SNTG1: variants seen among roughly 807,000 people sequenced by gnomAD.
The protein encoded by SNTG1 is syntrophin gamma 1, also known as gamma-1-syntrophin.
SNTG1 carries 39 observed loss-of-function variants against 74.7 expected under a neutral mutation model. The observed-to-expected ratio is 0.52, with a 90% CI of 0.40 to 0.68. The LOEUF is 0.68. SNTG1 is among the 30% of genes least tolerant of loss of function. SNTG1 has a pLI of 0.00. For missense variants in SNTG1, 685 were observed against 609.5 expected, an observed-to-expected ratio of 1.12 and a Z score of -1.30; for synonymous variants, 254 against 217.1, an observed-to-expected ratio of 1.17 and a Z score of -1.49.
chr8:50,570,276 A>ATTTTATTTTT (rs796738437), intron 12 of SNTG1, among the ~76,000 whole-genome samples: 1 of 40,038 alleles, frequency 2.5e-5, no homozygotes, highest in Non-Finnish European at 9.1e-5. Context: ...ATTTTATTTT[A>ATTTTATTTTT]TAGATGGAGT....
At chr8:49,916,119 T>C (rs1806004716) in intron 1 of SNTG1, among the ~76,000 whole-genome samples, 1 of 152,254 alleles carries the variant, frequency 6.6e-6, no homozygotes, top group Non-Finnish European at 1.5e-5. Flanking sequence ...GGTTAAATTA[T>C]ATAATTGCAC....
At chr8:50,021,410 C>T (rs1371493436) in intron 1 of SNTG1, among the ~76,000 whole-genome samples, 1 of 152,084 alleles carries the variant, frequency 6.6e-6, no homozygotes, top group East Asian at 1.9e-4. Flanking sequence ...CCCACTAATA[C>T]CATATATATG....
chr8:50,074,859 G>A (rs1291007812), intron 1 of SNTG1, among the ~76,000 whole-genome samples: 1 of 152,140 alleles, frequency 6.6e-6, no homozygotes, highest in East Asian at 1.9e-4. Context: ...GAGTGGGGAA[G>A]GACAGGTACC....
chr8:50,475,950 A>G (rs1014690614), intron 8 of SNTG1, among the ~76,000 whole-genome samples: 1 of 152,160 alleles, frequency 6.6e-6, no homozygotes, highest in Admixed American at 6.5e-5. Flanking sequence ...GAAATAAACA[A>G]GTCATACGTT....
intron 15 of SNTG1, among the ~76,000 whole-genome samples, chr8:50,700,614 C>T (rs1213091365): frequency 1.3e-5 from 2 of 152,120 alleles, no homozygotes; most frequent in Non-Finnish European, 2.9e-5. Flanking sequence ...AGGCTTGCAC[C>T]AGGTTGCTCT....
chr8:49,954,823 C>T (rs1810018189), intron 1 of SNTG1, among the ~76,000 whole-genome samples: 1 of 151,990 alleles, frequency 6.6e-6, no homozygotes, highest in African/African-American at 2.4e-5. Context: ...TATTGTATTA[C>T]TCCAAAGAAG....
chr8:50,191,698 G>C (rs900737386), intron 2 of SNTG1, among the ~76,000 whole-genome samples: 9 of 152,034 alleles, frequency 5.9e-5, no homozygotes, highest in African/African-American at 2.2e-4. Context: ...GCATGCAGTA[G>C]GTATTTGTGC....
In SNTG1 at chr8:50,067,699, T is replaced by A. The variant is rs184341440; in HGVS notation, c.-102-104862T>A. ...TTCTCTTTTTGTTGGAGTTTGAGGA[T>A]CCACACCCTGATTTTGGTTGCCTTG... On this transcript the variant is annotated intron_variant, in intron 1 of 18. Coordinates refer to ENST00000642720, the MANE Select transcript of SNTG1 (RefSeq NM_018967.5). Among the ~76,000 whole-genome samples, 34 of 152,300 alleles carry A rather than the reference T, an allele frequency of 2.2e-4. 1 individual carries two copies. The highest frequency in any genetic ancestry group is 7.5e-4 in the African/African-American group (31 of 41,564).
At chr8:50,010,785 CTT>C (rs774350614) in intron 1 of SNTG1, among the ~76,000 whole-genome samples, 3 of 89,130 alleles carry the variant, frequency 3.4e-5, no homozygotes, top group Non-Finnish European at 4.3e-5. Context: ...ACAGGCCTCT[CTT>C]TTTTTTTTTT....
intron 18 of SNTG1, among the ~76,000 whole-genome samples, chr8:50,774,988 A>G (rs1166263712): frequency 6.6e-6 from 1 of 150,710 alleles, no homozygotes; most frequent in Non-Finnish European, 1.5e-5. Context: ...CTTATATATA[A>G]TTTATATAAA....
chr8:50,537,583 T>C (rs964700315), intron 11 of SNTG1, among the ~76,000 whole-genome samples: 3 of 152,132 alleles, frequency 2.0e-5, no homozygotes, highest in Non-Finnish European at 2.9e-5. Context: ...AATTTGGGAC[T>C]TTCTTGAATC....
chr8:50,404,027 A>C (rs2092838787), intron 4 of SNTG1, among the ~76,000 whole-genome samples: 1 of 152,196 alleles, frequency 6.6e-6, no homozygotes, highest in Non-Finnish European at 1.5e-5. Flanking sequence ...TTTCATGATG[A>C]TATGCATAGA....
intron 8 of SNTG1, among the ~76,000 whole-genome samples, chr8:50,500,187 A>T (rs2093939056): frequency 6.7e-6 from 1 of 150,210 alleles, no homozygotes. Flanking sequence ...CTCATATGAT[A>T]TGCATTTTAT....
At chr8:50,470,514 C>T (rs1192884434) in intron 8 of SNTG1, among the ~76,000 whole-genome samples, 3 of 152,048 alleles carry the variant, frequency 2.0e-5, no homozygotes, top group East Asian at 1.9e-4. Flanking sequence ...CGCAGACCTT[C>T]GTAGTGAGTG....
chr8:50,767,908 T>G (rs188963133), intron 18 of SNTG1, among the ~76,000 whole-genome samples: 1 of 152,178 alleles, frequency 6.6e-6, no homozygotes, highest in Admixed American at 6.6e-5. Context: ...AATTTCATGA[T>G]AATTCCCCTT....
intron 1 of SNTG1, among the ~76,000 whole-genome samples, chr8:49,917,987 C>T (rs568973024): frequency 6.6e-6 from 1 of 152,060 alleles, no homozygotes; most frequent in Non-Finnish European, 1.5e-5. Context: ...TTGCATGTAG[C>T]GAAACAGACT....
At chr8:50,654,290 A>G (rs989198795) in intron 13 of SNTG1, among the ~76,000 whole-genome samples, 1 of 152,106 alleles carries the variant, frequency 6.6e-6, no homozygotes, top group African/African-American at 2.4e-5. Context: ...TGTCTCTCCA[A>G]TCATCATTCT....
intron 1 of SNTG1, among the ~76,000 whole-genome samples, chr8:49,927,891 C>T (rs1807175325): frequency 6.6e-6 from 1 of 151,736 alleles, no homozygotes; most frequent in African/African-American, 2.4e-5. Context: ...GCTGAGGGGT[C>T]AGATCACAAG....
chr8:50,690,198 G>A (rs367754645), intron 15 of SNTG1, among the ~76,000 whole-genome samples: 8 of 151,724 alleles, frequency 5.3e-5, no homozygotes, highest in African/African-American at 7.3e-5. Flanking sequence ...TCAAAAAACC[G>A]GCTCCTGGAT....
Sources: gnomAD v4.1 joint callset for allele counts (sites outside exome capture counted in the v4.1 genomes callset) on GRCh38, gnomAD v4.1.1 for gene constraint, MANE v1.5 for transcripts, NCBI Gene and HGNC (gene_info 2026-07-23, HGNC 2026-07-21) for gene names.